Variants in POU6F2 observed in about 807,000 individuals in gnomAD.
POU6F2 encodes the protein POU domain, class 6, transcription factor 2.
In POU6F2, 31 loss-of-function variants were observed where a neutral mutation model predicts 71.3. The ratio of observed to expected loss-of-function variants is 0.43; its 90% CI spans 0.33 to 0.59. The LOEUF (loss-of-function observed/expected upper bound fraction) is 0.59. POU6F2 is among the 20% of genes least tolerant of loss of function. The pLI, the probability that POU6F2 is intolerant of heterozygous loss-of-function variation, is 0.04. For missense variants in POU6F2, 783 were observed against 856.8 expected, an observed-to-expected ratio of 0.91 and a Z score of 1.07; for synonymous variants, 347 against 355.7, an observed-to-expected ratio of 0.98 and a Z score of 0.27.
At chr7:39,390,194 G>A (rs992903828) in intron 5 of POU6F2, among the ~76,000 whole-genome samples, 6 of 152,106 alleles carry the variant, frequency 3.9e-5, no homozygotes, top group Non-Finnish European at 7.3e-5. Context: ...TCAGGAGTTC[G>A]AGACCAGCCT....
At chr7:39,462,487 C>T (rs1233851204) in intron 9 of POU6F2, among the ~76,000 whole-genome samples, 3 of 152,188 alleles carry the variant, frequency 2.0e-5, no homozygotes, top group African/African-American at 7.2e-5. Flanking sequence ...CCCTCCTTAT[C>T]AGAGGCACAG....
intron 7 of POU6F2, 66 bp from the exon 8 acceptor site, chr7:39,451,467 G>A: frequency 6.9e-7 from 1 of 1,456,874 alleles, no homozygotes; most frequent in East Asian, 2.5e-5. Flanking sequence ...TAAAACTTCT[G>A]TTCCCTGGCA....
At chr7:39,360,802 A>G (rs1262336591) in intron 5 of POU6F2, among the ~76,000 whole-genome samples, 2 of 152,216 alleles carry the variant, frequency 1.3e-5, no homozygotes, top group Non-Finnish European at 2.9e-5. Flanking sequence ...CATATAGAGT[A>G]ACTTCCTGAC....
chr7:39,367,053 G>A (rs945679674), intron 5 of POU6F2, among the ~76,000 whole-genome samples: 4 of 151,948 alleles, frequency 2.6e-5, no homozygotes, highest in Non-Finnish European at 4.4e-5. Flanking sequence ...CTGAAGAGGG[G>A]CAATATTTTG....
intron 1 of POU6F2, among the ~76,000 whole-genome samples, chr7:38,983,146 C>A (rs1438881467): frequency 6.6e-6 from 1 of 151,988 alleles, no homozygotes; most frequent in Non-Finnish European, 1.5e-5. Context: ...ACATAAAGTG[C>A]AAACATGAAA....
At chr7:39,182,790 G>A (rs1365291744) in intron 2 of POU6F2, among the ~76,000 whole-genome samples, 1 of 152,114 alleles carries the variant, frequency 6.6e-6, no homozygotes, top group Non-Finnish European at 1.5e-5. Flanking sequence ...AGTATCACCT[G>A]TTTGTTGATT....
At chr7:39,425,509 T>G (rs1787948593) in intron 6 of POU6F2, among the ~76,000 whole-genome samples, 1 of 152,202 alleles carries the variant, frequency 6.6e-6, no homozygotes, top group African/African-American at 2.4e-5. Flanking sequence ...TTATTAAGTT[T>G]AAGGTTTCAA....
At chr7:39,133,542 C>T (rs143482808) in intron 2 of POU6F2, among the ~76,000 whole-genome samples, 1 of 152,326 alleles carries the variant, frequency 6.6e-6, no homozygotes, top group East Asian at 1.9e-4. Flanking sequence ...ATGTTTTTCT[C>T]TACGATGTTG....
chr7:39,066,259 A>G (rs1790752093), intron 1 of POU6F2, among the ~76,000 whole-genome samples: 1 of 151,786 alleles, frequency 6.6e-6, no homozygotes, highest in African/African-American at 2.4e-5. Flanking sequence ...TTAAACCAAC[A>G]CCAAATATGC....
chr7:39,306,386 C>T (rs73382986), intron 4 of POU6F2, among the ~76,000 whole-genome samples: 2,500 of 152,240 alleles, frequency 0.016, 70 homozygotes, highest in African/African-American at 0.057. Flanking sequence ...AGCATTCTTG[C>T]AGGTGGGTAT....
chr7:39,020,522 A>G (rs1789660112), intron 1 of POU6F2, among the ~76,000 whole-genome samples: 1 of 152,146 alleles, frequency 6.6e-6, no homozygotes, highest in Non-Finnish European at 1.5e-5. Flanking sequence ...AGTCTCATCC[A>G]TGAGTCCTTT....
At chr7:39,275,732 C>T (rs969943917) in intron 4 of POU6F2, among the ~76,000 whole-genome samples, 2 of 151,978 alleles carry the variant, frequency 1.3e-5, no homozygotes, top group Non-Finnish European at 2.9e-5. Flanking sequence ...GAACAGAGCC[C>T]TCAGAAATAA....
chr7:39,363,727 A>G (rs1786441751), intron 5 of POU6F2, among the ~76,000 whole-genome samples: 1 of 151,292 alleles, frequency 6.6e-6, no homozygotes, highest in South Asian at 2.1e-4. Context: ...TTTCAAGGAG[A>G]GAATGATTAA....
At chr7:39,145,946 C>A (rs959169343) in intron 2 of POU6F2, among the ~76,000 whole-genome samples, 9 of 152,130 alleles carry the variant, frequency 5.9e-5, no homozygotes, top group Non-Finnish European at 1.2e-4. Flanking sequence ...GAGGAAATTA[C>A]AAAGAGAAAA....
At chr7:39,245,668 A>C (rs574405956) in intron 4 of POU6F2, among the ~76,000 whole-genome samples, 66 of 152,308 alleles carry the variant, frequency 4.3e-4, no homozygotes, top group Non-Finnish European at 8.5e-4. Context: ...GGAGGAACTT[A>C]GTTTTTGCAT....
rs1491535570 is a variant in POU6F2, at chr7:39,016,057, T to TATATAG, written c.105+38004_105+38005insGATATA. Among the ~76,000 whole-genome samples the TATATAG allele has an allele frequency of 9.2e-4, 35 of 37,920 alleles. 3 individuals carry two copies. Among genetic ancestry groups the TATATAG allele is most frequent in the African/African-American group, 3.0e-3 (35 of 11,804 alleles). The allele number at this position is 37,920 out of a possible 152,430, so 24.9% of individuals were successfully genotyped here. ...GATATATATTATATATTATATATATTATATATAATATATAGATATATATTA... is the reference window on the plus strand; with the variant it reads ...GATATATATTATATATTATATATATTATATAGATATATAATATATAGATATATATTA... On this transcript the variant is annotated intron_variant, in intron 1 of 9. Transcript: ENST00000518318.
intron 2 of POU6F2, among the ~76,000 whole-genome samples, chr7:39,182,866 G>A (rs1178923117): frequency 6.6e-6 from 1 of 152,134 alleles, no homozygotes; most frequent in African/African-American, 2.4e-5. Context: ...GAGTCCGATA[G>A]GCACTTTACA....
At chr7:39,300,721 G>A (rs957955049) in intron 4 of POU6F2, among the ~76,000 whole-genome samples, 3 of 151,994 alleles carry the variant, frequency 2.0e-5, no homozygotes, top group Non-Finnish European at 4.4e-5. Context: ...CTCTGTCCAC[G>A]TCCATGTCTA....
chr7:39,083,786 T>C (rs954515250), intron 1 of POU6F2: 6 of 152,202 alleles, frequency 3.9e-5, no homozygotes, highest in African/African-American at 1.4e-4. Context: ...TCTAATTTCT[T>C]TTCTAAAGAG....
Sources: allele counts gnomAD v4.1 joint callset (sites outside exome capture counted in the v4.1 genomes callset), GRCh38; gene constraint gnomAD v4.1.1; transcripts MANE v1.5; gene names NCBI Gene and HGNC (gene_info 2026-07-23, HGNC 2026-07-21).